RAF1: variants seen among roughly 807,000 people sequenced by gnomAD.
RAF1 encodes the protein RAF proto-oncogene serine/threonine-protein kinase.
Under a neutral mutation model 81.1 loss-of-function variants are expected in RAF1, and 27 were observed. The observed-to-expected ratio is 0.33, with a 90% confidence interval of 0.25 to 0.46. RAF1 has a LOEUF of 0.46. Ranked by LOEUF, RAF1 falls within the 20% of genes least tolerant of loss-of-function variation. The pLI is 1.00. For missense variants in RAF1, 598 were observed against 826.0 expected (o/e 0.72, Z 3.38); for synonymous variants, 298 against 294.0 (o/e 1.01, Z -0.14).
chr3:12,610,619 CAACA>C (rs1308618749), intron 3 of RAF1, among the ~76,000 whole-genome samples: 1 of 152,180 alleles, frequency 6.6e-6, no homozygotes, highest in Non-Finnish European at 1.5e-5. Flanking sequence ...ATTTGCACTT[CAACA>C]AACGCCTCCT....
At chr3:12,623,750 T>C (rs2059616886) in intron 1 of RAF1, among the ~76,000 whole-genome samples, 1 of 140,248 alleles carries the variant, frequency 7.1e-6, no homozygotes, top group Admixed American at 7.3e-5. Context: ...GCCGAGATCA[T>C]GCCACTGCAC....
intron 1 of RAF1, among the ~76,000 whole-genome samples, chr3:12,646,967 G>A (rs1170254938): frequency 1.3e-5 from 2 of 151,454 alleles, no homozygotes; most frequent in African/African-American, 2.4e-5. Context: ...TTACAGGAGT[G>A]AGCCACTGTG....
chr3:12,609,744 G>A (rs1029440047), intron 3 of RAF1, among the ~76,000 whole-genome samples: 2 of 152,140 alleles, frequency 1.3e-5, no homozygotes. Context: ...GCCTCCCAAA[G>A]TGCTGGGATT....
chr3:12,590,680 T>G, intron 13 of RAF1, 118 bp downstream of exon 12: 1 of 1,199,658 alleles, frequency 8.3e-7, no homozygotes. Context: ...GGCCAGAGGC[T>G]TGTGCAAAGA....
intron 1 of RAF1, among the ~76,000 whole-genome samples, chr3:12,642,863 G>A (rs531771452): frequency 6.6e-6 from 1 of 151,586 alleles, no homozygotes; most frequent in South Asian, 2.1e-4. Context: ...CTCCAGCCTG[G>A]GTGATACAGC....
intron 7 of RAF1, 86 bp downstream of exon 7, chr3:12,604,050 C>T (rs967131079): frequency 6.1e-6 from 9 of 1,483,042 alleles, no homozygotes; most frequent in African/African-American, 1.4e-5. Flanking sequence ...ATTCCTTGAT[C>T]AGATTTGAAA....
intron 1 of RAF1, among the ~76,000 whole-genome samples, chr3:12,658,917 A>T (rs529297633): frequency 6.6e-6 from 1 of 152,328 alleles, no homozygotes; most frequent in Non-Finnish European, 1.5e-5. Flanking sequence ...CCCACTTGAC[A>T]TTTTCCTTAG....
At chr3:12,632,272 C>T (rs572347847) in intron 1 of RAF1, among the ~76,000 whole-genome samples, 2 of 140,554 alleles carry the variant, frequency 1.4e-5, no homozygotes, top group East Asian at 2.1e-4. Flanking sequence ...TGCAGTGAGC[C>T]GAGATTGCAC....
intron 2 of RAF1, among the ~76,000 whole-genome samples, chr3:12,615,559 C>A (rs574955141): frequency 6.6e-6 from 1 of 152,236 alleles, no homozygotes; most frequent in South Asian, 2.1e-4. Context: ...CCTCTTCTAC[C>A]GCTTTCCTCA....
At chr3:12,598,589 C>T (rs2125372741) in intron 11 of RAF1, among the ~76,000 whole-genome samples, 1 of 151,818 alleles carries the variant, frequency 6.6e-6, no homozygotes, top group Non-Finnish European at 1.5e-5. Context: ...AACAAATTAG[C>T]TGGGCATTCA....
chr3:12,662,820 C>T (rs944461867), intron 1 of RAF1, among the ~76,000 whole-genome samples: 3 of 152,120 alleles, frequency 2.0e-5, no homozygotes, highest in African/African-American at 7.2e-5. Flanking sequence ...CCCCATAACA[C>T]TTGATAAGCC....
At chr3:12,617,626 T>C (rs1208301873) in intron 2 of RAF1, among the ~76,000 whole-genome samples, 1 of 151,948 alleles carries the variant, frequency 6.6e-6, no homozygotes, top group Non-Finnish European at 1.5e-5. Flanking sequence ...TGTCTCATGT[T>C]GGTAATCCCA....
rs549094138 is a variant in RAF1, at chr3:12,606,367, T to C, written c.582-68A>G. 4.3e-5 allele frequency: 52 copies of C among 1,213,966 alleles called. No individual in the cohort carries two copies. In the East Asian group the frequency reaches 1.2e-3, roughly 28 times the overall value. 75.2% of individuals were successfully genotyped at this position (1,213,966 alleles called of 1,614,324 possible). On this transcript the variant is annotated intron_variant, in intron 5 of 17. Coordinates refer to ENST00000442415, the MANE Select transcript of RAF1 (RefSeq NM_001354689.3). ...ATCTTACAGAGACAATCAGCATGCC[T>C]TGCTTTTGCAAACTCAGAGCTACTA...
At chr3:12,642,402 G>A (rs918520560) in intron 1 of RAF1, among the ~76,000 whole-genome samples, 6 of 150,642 alleles carry the variant, frequency 4.0e-5, no homozygotes, top group Non-Finnish European at 7.4e-5. Flanking sequence ...CCAGCTAGTC[G>A]GGAGGCTGAG....
intron 2 of RAF1, among the ~76,000 whole-genome samples, chr3:12,616,573 T>C (rs2059374699): frequency 1.3e-5 from 2 of 152,158 alleles, no homozygotes; most frequent in African/African-American, 4.8e-5. Context: ...ACTTTTGAGT[T>C]TTGCCTTCAG....
At chr3:12,591,679 A>T (rs199571154) in intron 12 of RAF1, 29 bp downstream of exon 11, 1 of 1,585,820 alleles carries the variant, frequency 6.3e-7, no homozygotes, top group East Asian at 2.2e-5. Context: ...AGCACTCCAG[A>T]GGGACTGGAC....
chr3:12,593,052 C>T (rs1969044), intron 11 of RAF1, among the ~76,000 whole-genome samples: 20,317 of 150,616 alleles, frequency 0.13, 1,694 homozygotes, highest in Middle Eastern at 0.2. Flanking sequence ...AAGCCACTTT[C>T]AAAAGTGTTT....
chr3:12,595,550 C>CCA, intron 11 of RAF1, among the ~76,000 whole-genome samples: 1 of 152,260 alleles, frequency 6.6e-6, no homozygotes, highest in East Asian at 1.9e-4. Flanking sequence ...AAACACCCTA[C>CCA]CACTGGACCT....
rs760136925 is a variant in RAF1, at chr3:12,600,230, G to A, written c.972C>T (p.Gly324=). 2.5e-6 allele frequency: 4 copies of A among 1,614,196 alleles called. No homozygotes were observed. The South Asian group carries it at 4.4e-5, about 18-fold the overall frequency. Reference sequence around the variant, plus strand: ...GCACGGGGGTTTTCGGCTGTGACCAGCCTGTTGGGCTCAGATTGTTGGGGC... The same window carrying A: ...GCACGGGGGTTTTCGGCTGTGACCAACCTGTTGGGCTCAGATTGTTGGGGC... Residue 324 remains glycine (G), a synonymous_variant, in exon 10 of 18, where the codon GGC becomes GGT. Transcript: ENST00000442415.
Sources: allele counts gnomAD v4.1 joint callset (sites outside exome capture counted in the v4.1 genomes callset), GRCh38; gene constraint gnomAD v4.1.1; transcripts MANE v1.5; gene names NCBI Gene and HGNC (gene_info 2026-07-23, HGNC 2026-07-21).